The following CPEB1 variants were observed in gnomAD, a reference collection of about 807,000 sequenced individuals.
CPEB1 encodes cytoplasmic polyadenylation element-binding protein 1.
A neutral mutation model predicts 65.8 loss-of-function variants in CPEB1; 7 were observed. The observed-to-expected ratio is 0.11, with a 90% CI of 0.06 to 0.20. The LOEUF is 0.20. CPEB1 is among the 10% of genes least tolerant of loss of function. CPEB1 has a pLI of 1.00. For missense variants in CPEB1, 551 were observed against 712.2 expected (o/e 0.77, Z 2.58); for synonymous variants, 262 against 260.0 (o/e 1.01, Z -0.08).
At chr15:82,636,439 T>C (rs1167232635) in intron 1 of CPEB1, among the ~76,000 whole-genome samples, 1 of 152,298 alleles carries the variant, frequency 6.6e-6, no homozygotes, top group East Asian at 1.9e-4. Context: ...TCCCTTTCCA[T>C]CTCTGGTTAT....
intron 1 of CPEB1, among the ~76,000 whole-genome samples, chr15:82,634,227 AC>A (rs1156546804): frequency 6.6e-6 from 1 of 151,682 alleles, no homozygotes; most frequent in African/African-American, 2.4e-5. Context: ...ATCACTCATA[AC>A]TTTTTCTTTA....
At chr15:82,599,290 A>C (rs750672070) in intron 3 of CPEB1, among the ~76,000 whole-genome samples, 1 of 152,174 alleles carries the variant, frequency 6.6e-6, no homozygotes, top group African/African-American at 2.4e-5. Context: ...CCATCACACT[A>C]ATCTTTACAG....
At chr15:82,622,457 A>G (rs2045387774) in intron 3 of CPEB1, among the ~76,000 whole-genome samples, 1 of 152,144 alleles carries the variant, frequency 6.6e-6, no homozygotes, top group Admixed American at 6.5e-5. Flanking sequence ...GCTGGAATAC[A>G]GAGTGCAACC....
chr15:82,605,768 G>A (rs1209924687), intron 3 of CPEB1, among the ~76,000 whole-genome samples: 1 of 152,208 alleles, frequency 6.6e-6, no homozygotes, highest in African/African-American at 2.4e-5. Context: ...GCCGGGCACA[G>A]TGGCTCATGC....
chr15:82,587,609 C>G (rs1489781237), intron 3 of CPEB1, among the ~76,000 whole-genome samples: 2 of 152,100 alleles, frequency 1.3e-5, no homozygotes, highest in Non-Finnish European at 2.9e-5. Flanking sequence ...CAGGTAGTAG[C>G]ACGTATGAAT....
At chr15:82,577,016 C>G (rs929129046) in intron 3 of CPEB1, among the ~76,000 whole-genome samples, 1 of 152,132 alleles carries the variant, frequency 6.6e-6, no homozygotes, top group African/African-American at 2.4e-5. Flanking sequence ...CAGAGTGAGA[C>G]CCCGTCTCCA....
intron 1 of CPEB1, among the ~76,000 whole-genome samples, chr15:82,644,988 G>A (rs191717356): frequency 6.6e-6 from 1 of 152,224 alleles, no homozygotes; most frequent in African/African-American, 2.4e-5. Flanking sequence ...TGTATCAAAC[G>A]CCTATGGCCT....
At chr15:82,639,577 T>A (rs1432074921) in intron 1 of CPEB1, among the ~76,000 whole-genome samples, 1 of 152,098 alleles carries the variant, frequency 6.6e-6, no homozygotes, top group Non-Finnish European at 1.5e-5. Context: ...TACATATTAA[T>A]AGATGTGGAT....
chr15:82,599,479 T>C (rs1265694116), intron 3 of CPEB1, among the ~76,000 whole-genome samples: 3 of 152,080 alleles, frequency 2.0e-5, no homozygotes, highest in Admixed American at 6.6e-5. Context: ...CTTAAAAGCA[T>C]CTGAAATCTT....
At chr15:82,633,108 G>C (rs936445705) in intron 1 of CPEB1, 1 of 151,870 alleles carries the variant, frequency 6.6e-6, no homozygotes, top group Non-Finnish European at 1.5e-5. Flanking sequence ...ACCTTTAGTT[G>C]GTCTTCTACT....
intron 4 of CPEB1, among the ~76,000 whole-genome samples, chr15:82,564,602 A>G (rs1489518933): frequency 6.6e-6 from 1 of 152,176 alleles, no homozygotes; most frequent in Admixed American, 6.5e-5. Context: ...CTAAGGACAC[A>G]ATGTTGACTT....
chr15:82,579,516 C>T (rs2041016817), intron 3 of CPEB1, among the ~76,000 whole-genome samples: 2 of 152,104 alleles, frequency 1.3e-5, no homozygotes, highest in South Asian at 4.1e-4. Context: ...CTTAATTGCC[C>T]TAACAATCAT....
chr15:82,577,090 C>A (rs1446293339), intron 3 of CPEB1, among the ~76,000 whole-genome samples: 1 of 152,182 alleles, frequency 6.6e-6, no homozygotes, highest in African/African-American at 2.4e-5. Context: ...AAAGTTAAAT[C>A]TATAGGCCCA....
In CPEB1 at chr15:82,628,347, T is replaced by C. The variant is rs771276810; in HGVS notation, c.96+17A>G. 2.8e-6 allele frequency: 2 copies of C among 702,738 alleles called. No homozygotes were observed. Among genetic ancestry groups the C allele is most frequent in the Non-Finnish European group, 5.2e-6 (2 of 384,948 alleles). 43.5% of individuals were successfully genotyped at this position (702,738 alleles called of 1,614,324 possible). ...TTCCAAGACATGGACCTTGGAGAAA[T>C]CCAAGAGTTAACATACCAGAGGAAT... On this transcript the variant is annotated intron_variant, in intron 2 of 12. Transcript: ENST00000684509.
chr15:82,556,977 T>C (rs1167212725), intron 5 of CPEB1, among the ~76,000 whole-genome samples: 2 of 152,242 alleles, frequency 1.3e-5, no homozygotes, highest in Non-Finnish European at 2.9e-5. Context: ...TCACTGCACA[T>C]TCAGCTCGGG....
intron 3 of CPEB1, among the ~76,000 whole-genome samples, chr15:82,612,527 A>T (rs2044269798): frequency 6.6e-6 from 1 of 151,322 alleles, no homozygotes; most frequent in Non-Finnish European, 1.5e-5. Flanking sequence ...AAAACACAGA[A>T]ATTTGAATAA....
At chr15:82,642,157 A>T (rs1324073120) in intron 1 of CPEB1, among the ~76,000 whole-genome samples, 2 of 152,244 alleles carry the variant, frequency 1.3e-5, no homozygotes, top group Non-Finnish European at 2.9e-5. Flanking sequence ...TGCTCACAGA[A>T]GATGAGACGC....
upstream of CPEB1, chr15:82,647,756 G>C (rs1212755283): frequency 1.0e-5 from 11 of 1,084,416 alleles, no homozygotes; most frequent in African/African-American, 1.7e-5. Context: ...CACGGGGCGG[G>C]GGATGGGGGT....
At chr15:82,646,166 C>T (rs1319401339) in intron 1 of CPEB1, among the ~76,000 whole-genome samples, 1 of 152,184 alleles carries the variant, frequency 6.6e-6, no homozygotes, top group East Asian at 1.9e-4. Flanking sequence ...TGTCCCTAGA[C>T]TCAAAGGGAA....
Sources: allele counts gnomAD v4.1 joint callset (sites outside exome capture counted in the v4.1 genomes callset), GRCh38; gene constraint gnomAD v4.1.1; transcripts MANE v1.5; gene names NCBI Gene and HGNC (gene_info 2026-07-23, HGNC 2026-07-21).